MED17: variants seen among roughly 807,000 people sequenced by gnomAD.
The protein encoded by MED17 is mediator complex subunit 17.
A neutral mutation model predicts 80.8 loss-of-function variants in MED17; 49 were observed. The observed-to-expected ratio is 0.61, with a 90% confidence interval of 0.48 to 0.77. The LOEUF is 0.77. MED17 is among the 30% of genes least tolerant of loss of function. The probability of loss-of-function intolerance (pLI) is 0.00; values close to 1 mark genes in which losing one functional copy is unlikely to be tolerated. For synonymous variants in MED17, 281 were observed against 280.4 expected (o/e 1.00, Z -0.02); for missense variants, 718 against 787.0 (o/e 0.91, Z 1.05).
intron 2 of MED17, chr11:93,788,548 G>T (rs1565288204): frequency 5.3e-6 from 1 of 189,782 alleles, no homozygotes; most frequent in Non-Finnish European, 1.1e-5. Context: ...AGGCGTGGTG[G>T]TGGGCACCTG....
chr11:93,811,809 T>C (rs2135724174), intron 11 of MED17, 44 bp from the exon 12 acceptor site: 1 of 1,498,592 alleles, frequency 6.7e-7, no homozygotes, highest in Non-Finnish European at 9.3e-7. Context: ...TTATTTCTAG[T>C]TTGGTAAACT....
At chr11:93,789,440 A>G (rs1943807432) in intron 2 of MED17, 1 of 152,190 alleles carries the variant, frequency 6.6e-6, no homozygotes, top group Non-Finnish European at 1.5e-5. Flanking sequence ...GAATTTCTTA[A>G]TATCTCCAGG....
intron 8 of MED17, among the ~76,000 whole-genome samples, chr11:93,798,574 G>C (rs1943929559): frequency 6.6e-6 from 1 of 152,086 alleles, no homozygotes; most frequent in Admixed American, 6.5e-5. Context: ...AAAAGGAATT[G>C]GGGAGACACG....
intron 7 of MED17, chr11:93,796,833 G>C: frequency 2.6e-6 from 1 of 391,848 alleles, no homozygotes; most frequent in South Asian, 2.2e-5. Context: ...GGAGTTAAGG[G>C]AAAATGTCTT....
At position 93,813,332 on chromosome 11, in the gene MED17, G is replaced by A. The variant is rs903625248; in HGVS notation, c.*1268G>A. 4 of 152,170 alleles carry A rather than the reference G, an allele frequency of 2.6e-5. No individual in the cohort carries two copies. Among genetic ancestry groups the A allele is most frequent in the Admixed American group, 6.5e-5 (1 of 15,276 alleles). The allele number at this position is 152,170 out of a possible 1,614,324, so 9.4% of individuals were successfully genotyped here. A position where few individuals can be genotyped will look rare whatever the true frequency, so the allele number is the denominator to read the frequency against. ...AAGAAAAATGGAGCTTGTGGGCCAC[G>A]ATAGAACAACTTTGTGCTTTTTTCC... is the stretch of plus-strand genomic sequence containing the variant. On this transcript the variant is annotated 3_prime_UTR_variant, in exon 12 of 12. Transcript: ENST00000251871.
intron 3 of MED17, among the ~76,000 whole-genome samples, chr11:93,792,951 A>G (rs763287051): frequency 1.3e-5 from 2 of 151,786 alleles, no homozygotes; most frequent in South Asian, 2.1e-4. Context: ...TAAAAAGATA[A>G]TAAAAAATAA....
At chr11:93,785,087 T>C (rs890134204) in intron 1 of MED17, among the ~76,000 whole-genome samples, 6 of 152,270 alleles carry the variant, frequency 3.9e-5, no homozygotes, top group African/African-American at 1.4e-4. Flanking sequence ...AGATCGGGGC[T>C]CTGCCCCTTG....
chr11:93,804,866 C>A (rs1944007790), intron 9 of MED17, among the ~76,000 whole-genome samples: 1 of 152,170 alleles, frequency 6.6e-6, no homozygotes, highest in African/African-American at 2.4e-5. Context: ...TTTAGTTCAA[C>A]TTATGCAGGT....
At position 93,788,099 on chromosome 11, in the gene MED17, A is replaced by G; in HGVS notation, c.349A>G (p.Ser117Gly). ...GATGTGTGTTCTCTATGATGTTCTC[A>G]GTATTGTTAGGGATAAAAAATTTAT... is the stretch of plus-strand genomic sequence containing the variant. ...TEMCVLYDVL[S>G]IVRDKKFMTL... Residue 117 changes from serine (S) to glycine (G), a missense_variant, in exon 2 of 12, where the codon AGT (serine) becomes GGT (glycine). Ser to Gly is a moderately conservative substitution (Grantham distance 56). Coordinates refer to ENST00000251871, the MANE Select transcript of MED17 (RefSeq NM_004268.5). 6.2e-7 allele frequency: 1 copy of G among 1,613,646 alleles called. No individual in the cohort carries two copies. Among genetic ancestry groups the G allele is most frequent in the Non-Finnish European group, 8.5e-7 (1 of 1,179,592 alleles).
At chr11:93,791,773 CAAAA>C (rs1943838549) in intron 3 of MED17, among the ~76,000 whole-genome samples, 1 of 151,952 alleles carries the variant, frequency 6.6e-6, no homozygotes, top group Non-Finnish European at 1.5e-5. Context: ...AACAAACAAA[CAAAA>C]AAACTCGACA....
At chr11:93,790,351 C>G (rs1943821025) in intron 2 of MED17, 1 of 588,644 alleles carries the variant, frequency 1.7e-6, no homozygotes. Context: ...ATGGTAAGTT[C>G]TGAGTAGAGG....
chr11:93,806,504 T>TTTACTGGCTA lies in MED17; in HGVS notation c.1467-1011_1467-1002dup, dbSNP rs1248498300. 6 of 152,360 alleles carry TTTACTGGCTA rather than the reference T, an allele frequency of 3.9e-5. No individual in the cohort carries two copies. The East Asian group carries it at 9.6e-4, about 24-fold the overall frequency. The allele number at this position is 152,360 out of a possible 1,614,324, so 9.4% of individuals were successfully genotyped here. On this transcript the variant is annotated intron_variant, in intron 9 of 11. Transcript: ENST00000251871. Reference sequence around the variant, plus strand: ...GAAGAGTGCAGTGATGTGCTTGTTATTTACTGGCTATTGTATGAGTTTCTT... The same window carrying TTTACTGGCTA: ...GAAGAGTGCAGTGATGTGCTTGTTATTTACTGGCTATTACTGGCTATTGTATGAGTTTCTT...
At chr11:93,785,799 A>C (rs1943763079) in intron 1 of MED17, among the ~76,000 whole-genome samples, 1 of 152,170 alleles carries the variant, frequency 6.6e-6, no homozygotes, top group Non-Finnish European at 1.5e-5. Flanking sequence ...TTGAGCCCAG[A>C]CTTCAAGACC....
At chr11:93,786,030 A>G (rs767120201) in intron 1 of MED17, among the ~76,000 whole-genome samples, 7 of 152,168 alleles carry the variant, frequency 4.6e-5, no homozygotes, top group Non-Finnish European at 1.0e-4. Flanking sequence ...ACACCTACCT[A>G]CCTTACAAAG....
chr11:93,807,553 A>G lies in MED17; in HGVS notation c.1502A>G (p.Gln501Arg). 1 of 1,612,938 alleles carries G rather than the reference A, an allele frequency of 6.2e-7. No individual in the cohort carries two copies. Among genetic ancestry groups the G allele is most frequent in the Non-Finnish European group, 8.5e-7 (1 of 1,178,970 alleles). ...IQLQLNIGVE[Q>R]IRVVHRDGRV... ...CTGCAATTGAATATTGGAGTTGAGC[A>G]GATTCGAGTTGTACATAGAGATGGA... is the stretch of plus-strand genomic sequence containing the variant. Residue 501 changes from glutamine to arginine, a missense_variant, in exon 10 of 12, where the codon CAG becomes CGG. By Grantham distance (43) the Gln-to-Arg change is conservative. Transcript: ENST00000251871.
Position 93,793,872 on chromosome 11 carries a change from T to C in MED17, c.774+8T>C. The C allele has an allele frequency of 6.2e-7, 1 of 1,613,718 alleles. No homozygotes were observed. Among genetic ancestry groups the C allele is most frequent in the Non-Finnish European group, 8.5e-7 (1 of 1,179,696 alleles). Reference sequence around the variant, plus strand: ...GGGTCTGCATATATCAAGGTATTTGTCAAAATATTTTTCAAGTAATTTCTT... The same window carrying C: ...GGGTCTGCATATATCAAGGTATTTGCCAAAATATTTTTCAAGTAATTTCTT... On this transcript the variant is annotated splice_region_variant and intron_variant, in intron 4 of 11. Transcript: ENST00000251871.
intron 11 of MED17, chr11:93,810,172 A>T (rs550320526): frequency 5.5e-5 from 21 of 384,520 alleles, no homozygotes; most frequent in African/African-American, 4.2e-4. Flanking sequence ...AAAAACTTTA[A>T]AAAAAATATA....
At chr11:93,808,392 A>G (rs1020322648) in intron 10 of MED17, 1 of 118,252 alleles carries the variant, frequency 8.5e-6, no homozygotes, top group Non-Finnish European at 1.9e-5. Context: ...AAAAAAAAAA[A>G]GGTGATGTGT....
intron 2 of MED17, chr11:93,788,466 G>C (rs1565288179): frequency 3.6e-6 from 1 of 279,204 alleles, no homozygotes; most frequent in African/African-American, 2.3e-5. Context: ...CAGATCACGA[G>C]GTCAGGAGAT....
Sources: allele counts gnomAD v4.1 joint callset (sites outside exome capture counted in the v4.1 genomes callset), GRCh38; gene constraint gnomAD v4.1.1; transcripts MANE v1.5; gene names NCBI Gene and HGNC (gene_info 2026-07-23, HGNC 2026-07-21).